Variants in SCAMP1 observed in about 807,000 individuals in gnomAD.
SCAMP1 encodes the protein secretory carrier-associated membrane protein 1.
A neutral mutation model predicts 41.8 loss-of-function variants in SCAMP1; 15 were observed. That is an observed-to-expected ratio of 0.36 (90% CI 0.24 to 0.55). The LOEUF is 0.55. Ranked by LOEUF, SCAMP1 falls within the 20% of genes least tolerant of loss-of-function variation. The pLI is 0.86. For synonymous variants in SCAMP1, 135 were observed against 136.8 expected (o/e 0.99, Z 0.09); for missense variants, 341 against 412.6 (o/e 0.83, Z 1.50).
intron 7 of SCAMP1, among the ~76,000 whole-genome samples, chr5:78,453,071 G>C (rs1190299902): frequency 2.7e-5 from 4 of 148,982 alleles, no homozygotes; most frequent in African/African-American, 1.0e-4. Context: ...GTTCATTGTA[G>C]ATTCTGGATA....
At position 78,427,820 on chromosome 5, in the gene SCAMP1, CGT is replaced by C. The variant is rs141731483; in HGVS notation, c.632+5865_632+5866del. Reference sequence around the variant, plus strand: ...AGCACCTTTTTATTTGCTTATTAGACGTGTGTCTTTTTTGGTGAAATGTTTGT... The same window carrying C: ...AGCACCTTTTTATTTGCTTATTAGACGTGTCTTTTTTGGTGAAATGTTTGT... On this transcript the variant is annotated intron_variant, in intron 6 of 8. Coordinates refer to ENST00000621999, the MANE Select transcript of SCAMP1 (RefSeq NM_004866.6). 4.6e-3 allele frequency among the ~76,000 whole-genome samples: 705 copies of C among 152,064 alleles called. 10 individuals are homozygous for C. Among genetic ancestry groups the C allele is most frequent in the African/African-American group, 0.016 (670 of 41,488 alleles).
intron 7 of SCAMP1, among the ~76,000 whole-genome samples, chr5:78,454,798 G>C (rs2112219228): frequency 6.6e-6 from 1 of 152,332 alleles, no homozygotes; most frequent in African/African-American, 2.4e-5. Context: ...ATTCGGCTGT[G>C]AATCCATCTG....
At chr5:78,436,320 T>C (rs926592073) in intron 6 of SCAMP1, among the ~76,000 whole-genome samples, 5 of 152,344 alleles carry the variant, frequency 3.3e-5, no homozygotes, top group East Asian at 3.9e-4. Context: ...CTGAATGGTA[T>C]TGCCTAGGTT....
intron 6 of SCAMP1, among the ~76,000 whole-genome samples, chr5:78,438,948 G>A (rs1752843307): frequency 6.6e-6 from 1 of 152,170 alleles, no homozygotes; most frequent in Non-Finnish European, 1.5e-5. Context: ...TTGTTGAATT[G>A]ATCTGTTTAC....
chr5:78,386,642 G>T (rs887590730), intron 1 of SCAMP1, among the ~76,000 whole-genome samples: 2 of 151,678 alleles, frequency 1.3e-5, no homozygotes, highest in Non-Finnish European at 2.9e-5. Flanking sequence ...CATAGTTTTT[G>T]TAGTGCTGGC....
chr5:78,431,601 A>G (rs1580690173), intron 6 of SCAMP1, among the ~76,000 whole-genome samples: 1 of 84,984 alleles, frequency 1.2e-5, no homozygotes, highest in Non-Finnish European at 2.4e-5. Flanking sequence ...TTTCTTCATT[A>G]TTTATATCTC....
intron 8 of SCAMP1, among the ~76,000 whole-genome samples, chr5:78,459,676 A>G (rs1753534989): frequency 6.6e-6 from 1 of 152,142 alleles, no homozygotes; most frequent in South Asian, 2.1e-4. Context: ...TTTGATATGA[A>G]GGATATTAGC....
intron 1 of SCAMP1, among the ~76,000 whole-genome samples, chr5:78,376,478 G>A (rs1751068178): frequency 6.6e-6 from 1 of 152,154 alleles, no homozygotes; most frequent in Admixed American, 6.5e-5. Flanking sequence ...ATAAACGAAT[G>A]TCATTTATTA....
intron 1 of SCAMP1, among the ~76,000 whole-genome samples, chr5:78,369,176 G>A (rs554644708): frequency 1.3e-5 from 2 of 151,092 alleles, no homozygotes; most frequent in African/African-American, 2.4e-5. Context: ...GCGTGATCTC[G>A]GCTCACTGCA....
intron 1 of SCAMP1, among the ~76,000 whole-genome samples, chr5:78,373,125 C>T (rs914303185): frequency 1.3e-5 from 2 of 152,072 alleles, no homozygotes; most frequent in African/African-American, 4.8e-5. Flanking sequence ...GGAATACAAA[C>T]CTCTGCAAAT....
At chr5:78,408,859 C>G (rs890161577) in intron 2 of SCAMP1, among the ~76,000 whole-genome samples, 1 of 152,158 alleles carries the variant, frequency 6.6e-6, no homozygotes, top group Non-Finnish European at 1.5e-5. Context: ...CTCAGCCTCC[C>G]AAAGTGCTGA....
chr5:78,394,751 T>G (rs532948704), intron 2 of SCAMP1, among the ~76,000 whole-genome samples: 1 of 152,354 alleles, frequency 6.6e-6, no homozygotes, highest in South Asian at 2.1e-4. Context: ...ATCTGTCCCT[T>G]CTGGAACCTC....
rs1750615757 is a variant in SCAMP1 at position 78,360,666 on chromosome 5, A to G, written c.-6A>G. On this transcript the variant is annotated 5_prime_UTR_variant, in exon 1 of 9. Coordinates refer to ENST00000621999, the MANE Select transcript of SCAMP1 (RefSeq NM_004866.6). Reference sequence around the variant, plus strand: ...GGTCGGGTGGGTGACGCCGAGAGCCAGAGAGATGTCGGATTTCGACAGTAA... The same window carrying G: ...GGTCGGGTGGGTGACGCCGAGAGCCGGAGAGATGTCGGATTTCGACAGTAA... 3.1e-6 allele frequency: 5 copies of G among 1,608,504 alleles called. No individual in the cohort carries two copies. Among genetic ancestry groups the G allele is most frequent in the Non-Finnish European group, 4.2e-6 (5 of 1,177,718 alleles).
intron 2 of SCAMP1, among the ~76,000 whole-genome samples, chr5:78,400,919 G>C (rs907835315): frequency 6.6e-6 from 1 of 152,072 alleles, no homozygotes; most frequent in Non-Finnish European, 1.5e-5. Context: ...CCTTTTTCCT[G>C]ATCTTAGCTG....
At chr5:78,402,727 T>A (rs1184491370) in intron 2 of SCAMP1, among the ~76,000 whole-genome samples, 1 of 152,234 alleles carries the variant, frequency 6.6e-6, no homozygotes, top group African/African-American at 2.4e-5. Context: ...TGGGTCTTGT[T>A]TTTTGATCAT....
At chr5:78,402,874 T>C (rs1029038845) in intron 2 of SCAMP1, among the ~76,000 whole-genome samples, 2 of 152,180 alleles carry the variant, frequency 1.3e-5, no homozygotes, top group Admixed American at 6.5e-5. Context: ...CTCTTGGTGG[T>C]TTGTTTTGTT....
chr5:78,428,109 A>G (rs544645198), intron 6 of SCAMP1, among the ~76,000 whole-genome samples: 48 of 152,202 alleles, frequency 3.2e-4, no homozygotes, highest in African/African-American at 1.2e-3. Context: ...ATCCTTTTGC[A>G]TAACCCATGG....
intron 6 of SCAMP1, among the ~76,000 whole-genome samples, chr5:78,427,063 C>T (rs1752487096): frequency 6.6e-6 from 1 of 152,114 alleles, no homozygotes; most frequent in African/African-American, 2.4e-5. Context: ...AAAGGAACAC[C>T]TGAGGCTGGG....
At chr5:78,462,688 C>T (rs1335472793) in intron 8 of SCAMP1, among the ~76,000 whole-genome samples, 1 of 151,996 alleles carries the variant, frequency 6.6e-6, no homozygotes, top group Non-Finnish European at 1.5e-5. Context: ...TGTAACTGCC[C>T]AGTTGTTTTA....
Sources: gnomAD v4.1 joint callset for allele counts (sites outside exome capture counted in the v4.1 genomes callset) on GRCh38, gnomAD v4.1.1 for gene constraint, MANE v1.5 for transcripts, NCBI Gene and HGNC (gene_info 2026-07-23, HGNC 2026-07-21) for gene names.